Variants in ARMC8 observed in about 807,000 individuals in gnomAD.
ARMC8 encodes the protein armadillo repeat containing 8.
In ARMC8, 20 loss-of-function variants were observed where a neutral mutation model predicts 99.3. That is an observed-to-expected ratio of 0.20 (90% confidence interval 0.14 to 0.29). The LOEUF (loss-of-function observed/expected upper bound fraction) is 0.29, where lower values mean the gene tolerates loss of function less well. Among genes scored for constraint, ARMC8 ranks in the 10% least tolerant of loss-of-function variants. The probability of loss-of-function intolerance (pLI) is 1.00; values close to 1 mark genes in which losing one functional copy is unlikely to be tolerated. For synonymous variants in ARMC8, 263 were observed against 278.3 expected (o/e 0.95, Z 0.55); for missense variants, 569 against 809.5 (o/e 0.70, Z 3.60).
chr3:138,187,610 C>G lies in ARMC8; in HGVS notation c.45+11C>G. ...ATGAGCGTCCTTTCGGTGAGTGACC[C>G]GCCGCGGCCGCCCGCCCGCCCTCCA... On this transcript the variant is annotated intron_variant, in intron 1 of 21. Coordinates refer to ENST00000469044, the MANE Select transcript of ARMC8 (RefSeq NM_001363941.2). 2 of 1,535,496 alleles carry G rather than the reference C, an allele frequency of 1.3e-6. No homozygotes were observed. Among genetic ancestry groups the G allele is most frequent in the African/African-American group, 1.4e-5 (1 of 73,150 alleles).
At chr3:138,225,507 A>G (rs2045646267) in intron 5 of ARMC8, among the ~76,000 whole-genome samples, 1 of 151,846 alleles carries the variant, frequency 6.6e-6, no homozygotes, top group Non-Finnish European at 1.5e-5. Context: ...ATTTTTAAAC[A>G]CTCTTATTCA....
At chr3:138,221,900 T>A (rs1206890615) in intron 2 of ARMC8, 26 bp from the exon 3 acceptor site, 38 of 1,575,016 alleles carry the variant, frequency 2.4e-5, no homozygotes, top group Non-Finnish European at 3.3e-5. Flanking sequence ...CTCAACATAC[T>A]TTATTTTTTC....
At chr3:138,254,686 G>T (rs1270887779) in intron 12 of ARMC8, among the ~76,000 whole-genome samples, 2 of 152,110 alleles carry the variant, frequency 1.3e-5, no homozygotes, top group Non-Finnish European at 2.9e-5. Context: ...CTGTTTTTCT[G>T]CAGTATAAGT....
intron 1 of ARMC8, among the ~76,000 whole-genome samples, chr3:138,193,997 G>A (rs920759756): frequency 1.2e-4 from 18 of 150,850 alleles, no homozygotes; most frequent in African/African-American, 4.4e-4. Context: ...CTGGGCACTT[G>A]TTGATTTTTA....
intron 1 of ARMC8, among the ~76,000 whole-genome samples, chr3:138,201,858 A>G (rs1286896570): frequency 6.6e-6 from 1 of 152,168 alleles, no homozygotes; most frequent in Non-Finnish European, 1.5e-5. Flanking sequence ...CTTCAATGAT[A>G]TCTTCAATTT....
At chr3:138,203,979 C>T (rs533652352) in intron 1 of ARMC8, among the ~76,000 whole-genome samples, 59 of 152,298 alleles carry the variant, frequency 3.9e-4, no homozygotes, top group African/African-American at 1.2e-3. Flanking sequence ...TCTGGCAGTC[C>T]TGGTCCATTT....
At chr3:138,213,399 T>A (rs935857964) in intron 2 of ARMC8, among the ~76,000 whole-genome samples, 1 of 152,198 alleles carries the variant, frequency 6.6e-6, no homozygotes, top group Admixed American at 6.5e-5. Flanking sequence ...AGCACAATAG[T>A]TAGCATAAAC....
chr3:138,280,413 G>T (rs1433259150), intron 18 of ARMC8, among the ~76,000 whole-genome samples: 1 of 151,622 alleles, frequency 6.6e-6, no homozygotes, highest in African/African-American at 2.4e-5. Flanking sequence ...CACCTCCTGG[G>T]TTCAGTCTAT....
Position 138,290,855 on chromosome 3 carries a change from C to T in ARMC8, c.1988+216C>T, listed in dbSNP as rs775422611. Among the ~76,000 whole-genome samples the T allele has an allele frequency of 2.0e-5, 3 of 152,186 alleles. No individual in the cohort carries two copies. In the East Asian group the frequency reaches 5.8e-4, roughly 29 times the overall value. On this transcript the variant is annotated intron_variant, in intron 21 of 21. Coordinates refer to ENST00000469044, the MANE Select transcript of ARMC8 (RefSeq NM_001363941.2). ...AGACTCTCATCTTATTGTGAATTCACGTGAGTCTGGGCCATCTTAGTGGAT... is the reference window on the plus strand; with the variant it reads ...AGACTCTCATCTTATTGTGAATTCATGTGAGTCTGGGCCATCTTAGTGGAT...
At chr3:138,211,789 C>A (rs921360119) in intron 2 of ARMC8, among the ~76,000 whole-genome samples, 1 of 152,026 alleles carries the variant, frequency 6.6e-6, no homozygotes, top group African/African-American at 2.4e-5. Context: ...ATAACACTGC[C>A]CATATTGCCA....
intron 2 of ARMC8, among the ~76,000 whole-genome samples, chr3:138,221,297 A>T (rs1440012025): frequency 6.6e-6 from 1 of 152,234 alleles, no homozygotes; most frequent in Non-Finnish European, 1.5e-5. Flanking sequence ...TAAGCAATTT[A>T]AAAATATTGT....
intron 2 of ARMC8, among the ~76,000 whole-genome samples, chr3:138,213,031 G>A (rs2044794223): frequency 6.6e-6 from 1 of 152,230 alleles, no homozygotes; most frequent in Non-Finnish European, 1.5e-5. Context: ...TTGCTTGGGA[G>A]GCTGAGGCAG....
intron 18 of ARMC8, among the ~76,000 whole-genome samples, chr3:138,276,209 G>T (rs1288586450): frequency 2.0e-5 from 3 of 152,176 alleles, no homozygotes; most frequent in African/African-American, 7.2e-5. Context: ...TAAACAGTCG[G>T]CTCACTAGCT....
At chr3:138,245,285 A>G in intron 12 of ARMC8, 102 bp downstream of exon 12, 1 of 1,611,396 alleles carries the variant, frequency 6.2e-7, no homozygotes, top group Non-Finnish European at 8.5e-7. Context: ...TGACTGTTTG[A>G]ATATAATAAA....
At chr3:138,295,779 G>C in intron 21 of ARMC8, 80 bp from the exon 22 acceptor site, 1 of 1,512,814 alleles carries the variant, frequency 6.6e-7, no homozygotes, top group Non-Finnish European at 9.1e-7. Flanking sequence ...GACTTCCCCA[G>C]CTATCATCAT....
chr3:138,289,200 G>T (rs2050715538), intron 20 of ARMC8, 80 bp downstream of exon 20: 1 of 1,106,252 alleles, frequency 9.0e-7, no homozygotes, highest in Non-Finnish European at 1.3e-6. Flanking sequence ...GTGCCCCTGA[G>T]ATCCTGGGCA....
rs570197629 is a variant in ARMC8 at position 138,229,148 on chromosome 3, A to G, written c.528+138A>G. On this transcript the variant is annotated intron_variant, in intron 6 of 21. Coordinates refer to ENST00000469044, the MANE Select transcript of ARMC8 (RefSeq NM_001363941.2). ...TGTGTGTGCGTGTATATATATATATATATATATATATATATATATATATAT... is the reference window on the plus strand; with the variant it reads ...TGTGTGTGCGTGTATATATATATATGTATATATATATATATATATATATAT... 23 of 34,400 alleles carry G rather than the reference A, an allele frequency of 6.7e-4. 1 individual carries two copies. In the East Asian group the frequency reaches 6.9e-3, roughly 10 times the overall value. 2.1% of individuals were successfully genotyped at this position (34,400 alleles called of 1,614,324 possible).
intron 1 of ARMC8, chr3:138,188,128 C>G (rs2043177475): frequency 8.4e-6 from 2 of 238,162 alleles, no homozygotes; most frequent in South Asian, 1.4e-4. Context: ...CCGGCTGAAG[C>G]AGTTTGCTTT....
At chr3:138,279,005 T>A (rs182813664) in intron 18 of ARMC8, among the ~76,000 whole-genome samples, 1 of 152,314 alleles carries the variant, frequency 6.6e-6, no homozygotes, top group Admixed American at 6.5e-5. Context: ...TACTTTCCAA[T>A]CTATATGCTA....
Sources: gnomAD v4.1 joint callset for allele counts (sites outside exome capture counted in the v4.1 genomes callset) on GRCh38, gnomAD v4.1.1 for gene constraint, MANE v1.5 for transcripts, NCBI Gene and HGNC (gene_info 2026-07-23, HGNC 2026-07-21) for gene names.